The following CREM variants were observed in gnomAD, a reference collection of about 807,000 sequenced individuals.
CREM encodes cAMP-responsive element modulator.
Under a neutral mutation model 37.3 loss-of-function variants are expected in CREM, and 13 were observed. The ratio of observed to expected loss-of-function variants is 0.35; its 90% CI spans 0.23 to 0.55. The LOEUF is 0.55. CREM is among the 20% of genes least tolerant of loss of function. The probability of loss-of-function intolerance (pLI) is 0.88; values close to 1 mark genes in which losing one functional copy is unlikely to be tolerated. For missense variants in CREM, 296 were observed against 362.3 expected, an observed-to-expected ratio of 0.82 and a Z score of 1.49; for synonymous variants, 124 against 120.2, an observed-to-expected ratio of 1.03 and a Z score of -0.21.
intron 6 of CREM, chr10:35,201,436 A>G (rs2134272126): frequency 5.8e-6 from 9 of 1,551,188 alleles, no homozygotes; most frequent in Non-Finnish European, 6.1e-6. Context: ...GAGATACTGT[A>G]TCCCCATTTT....
intron 1 of CREM, among the ~76,000 whole-genome samples, chr10:35,136,741 G>A (rs2135569869): frequency 6.6e-6 from 1 of 152,038 alleles, no homozygotes; most frequent in Non-Finnish European, 1.5e-5. Flanking sequence ...GTTACTTAGG[G>A]ATGAGCACGA....
intron 6 of CREM, among the ~76,000 whole-genome samples, chr10:35,191,739 T>G (rs919279986): frequency 6.6e-6 from 1 of 152,142 alleles, no homozygotes; most frequent in African/African-American, 2.4e-5. Context: ...CCCCTGCCCC[T>G]GTCCTGAGTG....
chr10:35,145,439 C>G (rs1216793921), intron 2 of CREM, among the ~76,000 whole-genome samples: 2 of 152,122 alleles, frequency 1.3e-5, no homozygotes, highest in Admixed American at 1.3e-4. Flanking sequence ...CTTGGTCATT[C>G]TCTTATGTTT....
At chr10:35,177,654 C>T (rs983198605) in intron 3 of CREM, among the ~76,000 whole-genome samples, 6 of 152,132 alleles carry the variant, frequency 3.9e-5, no homozygotes, top group African/African-American at 1.4e-4. Flanking sequence ...GTTAAGTGAA[C>T]GATTTAATTG....
chr10:35,152,926 A>G (rs2092684469), intron 3 of CREM, among the ~76,000 whole-genome samples: 1 of 152,246 alleles, frequency 6.6e-6, no homozygotes, highest in Non-Finnish European at 1.5e-5. Context: ...TTCCACATAT[A>G]TATAAAGTTA....
rs1475306805 is a variant in CREM at position 35,212,275 on chromosome 10, T to A, written c.*877T>A. On this transcript the variant is annotated 3_prime_UTR_variant, in exon 8 of 8. Transcript: ENST00000685392. ...TAGCCTAGATATGAATATATGGCAT[T>A]TGCAGATTTTTATATTAGTTGCTTT... 6.6e-6 allele frequency: 1 copy of A among 152,090 alleles called. No homozygotes were observed. Among genetic ancestry groups the A allele is most frequent in the Admixed American group, 6.6e-5 (1 of 15,198 alleles). 9.4% of individuals were successfully genotyped at this position (152,090 alleles called of 1,614,324 possible). A position where few individuals can be genotyped will look rare whatever the true frequency, so the allele number is the denominator to read the frequency against.
chr10:35,169,993 C>T (rs1353464742), intron 3 of CREM, among the ~76,000 whole-genome samples: 4 of 138,822 alleles, frequency 2.9e-5, no homozygotes, highest in Admixed American at 7.5e-5. Flanking sequence ...GATGGAGTCT[C>T]GCTCTTTTGC....
At chr10:35,148,716 A>G (rs2092358515) in intron 3 of CREM, 3 of 442,070 alleles carry the variant, frequency 6.8e-6, no homozygotes. Context: ...ATGGAAGGAA[A>G]AACAAAAACC....
chr10:35,143,251 G>C (rs976343310), intron 2 of CREM, among the ~76,000 whole-genome samples: 7 of 152,214 alleles, frequency 4.6e-5, no homozygotes, highest in Non-Finnish European at 1.0e-4. Context: ...TTACAGACGT[G>C]AGCCACCGTG....
At chr10:35,158,807 T>G (rs201084878) in intron 3 of CREM, among the ~76,000 whole-genome samples, 4,488 of 96,884 alleles carry the variant, frequency 0.046, 263 homozygotes, top group African/African-American at 0.13. Flanking sequence ...TGTTTTTTTT[T>G]TGTTGTTTTG....
chr10:35,207,012 A>C lies in CREM; in HGVS notation c.716A>C (p.Glu239Ala), dbSNP rs775404003. Reference protein sequence around the residue: ...SLHSPQQLAEEATRKRELRLM... With the variant: ...SLHSPQQLAEAATRKRELRLM... ...CACAGTCCCCAGCAGCTGGCAGAAG[A>C]AGCAACACGCAAACGAGAGCTGAGG... The change falls in exon 7 of 8, where the codon GAA becomes GCA. Residue 239 changes from glutamate (E) to alanine (A), a missense_variant. Transcript: ENST00000685392. 11 of 1,613,980 alleles carry C rather than the reference A, an allele frequency of 6.8e-6. No homozygotes were observed. The Admixed American group carries it at 1.2e-4, about 17-fold the overall frequency.
intron 5 of CREM, among the ~76,000 whole-genome samples, chr10:35,180,975 A>T (rs148072224): frequency 6.6e-6 from 1 of 152,312 alleles, no homozygotes; most frequent in Non-Finnish European, 1.5e-5. Flanking sequence ...AATGACACTA[A>T]GACTTCTCAA....
At chr10:35,129,157 T>C (rs1409161711) in intron 1 of CREM, among the ~76,000 whole-genome samples, 1 of 152,244 alleles carries the variant, frequency 6.6e-6, no homozygotes, top group African/African-American at 2.4e-5. Context: ...TATGGAATCA[T>C]TTTGGTGATT....
chr10:35,165,143 C>T (rs973908754), intron 3 of CREM, among the ~76,000 whole-genome samples: 3 of 151,432 alleles, frequency 2.0e-5, no homozygotes, highest in Non-Finnish European at 2.9e-5. Flanking sequence ...TTTTGGCTCA[C>T]GGTTCTGCAG....
chr10:35,199,734 C>T (rs369439121), intron 6 of CREM, among the ~76,000 whole-genome samples: 5 of 152,214 alleles, frequency 3.3e-5, no homozygotes, highest in South Asian at 4.2e-4. Flanking sequence ...TCAGAATCCT[C>T]GGGTTCTGCT....
intron 6 of CREM, among the ~76,000 whole-genome samples, chr10:35,191,086 T>TTTTTTTTTTTTATTTA (rs148704946): frequency 6.8e-6 from 1 of 147,990 alleles, no homozygotes; most frequent in African/African-American, 2.5e-5. Context: ...ACATTTTTCT[T>TTTTTTTTTTTTATTTA]TTTATTTATT....
At chr10:35,148,026 T>G (rs1344780015) in intron 2 of CREM, among the ~76,000 whole-genome samples, 3 of 152,236 alleles carry the variant, frequency 2.0e-5, no homozygotes, top group African/African-American at 7.2e-5. Flanking sequence ...TTTCAGAATT[T>G]GGAATTTTTT....
In CREM at chr10:35,127,113, G is replaced by A. The variant is rs1263339558; in HGVS notation, c.-135G>A. 6.5e-6 allele frequency: 1 copy of A among 152,834 alleles called. No individual in the cohort carries two copies. The highest frequency in any genetic ancestry group is 1.5e-5 in the Non-Finnish European group (1 of 68,188). 9.5% of individuals were successfully genotyped at this position (152,834 alleles called of 1,614,324 possible). On this transcript the variant is annotated 5_prime_UTR_variant, in exon 1 of 8. Coordinates refer to ENST00000685392, the MANE Select transcript of CREM (RefSeq NM_183011.2). ...TGCTGGGCGGCGGCGCCGCTGCTGA[G>A]CGGCGGTCGGGCTCGCCGTCTCCAC...
intron 7 of CREM, chr10:35,209,165 T>G (rs1480100223): frequency 6.3e-6 from 2 of 316,338 alleles, no homozygotes; most frequent in Non-Finnish European, 9.2e-6. Flanking sequence ...ACCTGCAAAT[T>G]TCACTTCCTG....
Sources: gnomAD v4.1 joint callset for allele counts (sites outside exome capture counted in the v4.1 genomes callset) on GRCh38, gnomAD v4.1.1 for gene constraint, MANE v1.5 for transcripts, NCBI Gene and HGNC (gene_info 2026-07-23, HGNC 2026-07-21) for gene names.